Variants in ARB2A observed in about 807,000 individuals in gnomAD.
ARB2A encodes ARB2 cotranscriptional regulator A.
chr5:93,814,747 A>G, the ARB2A span, among the ~76,000 whole-genome samples: 4 of 152,228 alleles, frequency 2.6e-5, no homozygotes, highest in Non-Finnish European at 4.4e-5. Context: ...GGTATGTTCA[A>G]CTGAATCAGT....
At chr5:94,039,167 A>G in the ARB2A span, among the ~76,000 whole-genome samples, 1 of 152,240 alleles carries the variant, frequency 6.6e-6, no homozygotes, top group Admixed American at 6.5e-5. Flanking sequence ...TCATAATGAT[A>G]AACATCTGAA....
the ARB2A span, among the ~76,000 whole-genome samples, chr5:94,080,590 C>T: frequency 6.6e-6 from 1 of 152,190 alleles, no homozygotes; most frequent in Non-Finnish European, 1.5e-5. Context: ...CACTTCAGAG[C>T]TGGCCTCAGG....
chr5:93,727,250 G>C, the ARB2A span, among the ~76,000 whole-genome samples: 2 of 151,892 alleles, frequency 1.3e-5, no homozygotes, highest in Non-Finnish European at 2.9e-5. Context: ...ATCTCTCTTG[G>C]GTAAGAGAGC....
At chr5:93,767,769 T>C in the ARB2A span, among the ~76,000 whole-genome samples, 15 of 151,132 alleles carry the variant, frequency 9.9e-5, no homozygotes, top group Non-Finnish European at 1.6e-4. Context: ...CCGAGATGGG[T>C]GGATCACGAG....
the ARB2A span, among the ~76,000 whole-genome samples, chr5:94,056,339 T>C: frequency 6.6e-6 from 1 of 152,196 alleles, no homozygotes; most frequent in Non-Finnish European, 1.5e-5. Context: ...GAACCTGATA[T>C]AGATTTTTTT....
chr5:94,030,015 C>G, the ARB2A span, among the ~76,000 whole-genome samples: 1 of 152,058 alleles, frequency 6.6e-6, no homozygotes, highest in African/African-American at 2.4e-5. Context: ...TGCAGGGAAA[C>G]TCCTCTTTAT....
the ARB2A span, among the ~76,000 whole-genome samples, chr5:94,056,289 A>G: frequency 3.3e-5 from 5 of 152,226 alleles, no homozygotes; most frequent in Non-Finnish European, 7.4e-5. Flanking sequence ...ACGAACAACT[A>G]AATAAAAAGA....
the ARB2A span, among the ~76,000 whole-genome samples, chr5:93,653,380 C>T: frequency 2.7e-5 from 4 of 150,808 alleles, no homozygotes; most frequent in Non-Finnish European, 5.9e-5. Context: ...GGCGTGGTAG[C>T]GGGCGCCTGT....
the ARB2A span, among the ~76,000 whole-genome samples, chr5:93,636,817 T>G: frequency 6.6e-6 from 1 of 152,268 alleles, no homozygotes; most frequent in South Asian, 2.1e-4. Flanking sequence ...GGATTTGCAC[T>G]TCATATATTA....
At chr5:94,051,448 A>G in the ARB2A span, among the ~76,000 whole-genome samples, 2 of 152,226 alleles carry the variant, frequency 1.3e-5, no homozygotes, top group Non-Finnish European at 2.9e-5. Flanking sequence ...AATCACATTC[A>G]CACAAAGCAA....
chr5:93,937,322 G>A, the ARB2A span, among the ~76,000 whole-genome samples: 1 of 151,614 alleles, frequency 6.6e-6, no homozygotes, highest in Non-Finnish European at 1.5e-5. Flanking sequence ...GAGAGTGCAG[G>A]CTGGCCGCGG....
chr5:93,940,108 TACAC>T, the ARB2A span, among the ~76,000 whole-genome samples: 4 of 152,084 alleles, frequency 2.6e-5, no homozygotes, highest in African/African-American at 9.6e-5. Flanking sequence ...ATATAAATTA[TACAC>T]ACAAAGCAAC....
At chr5:93,700,369 A>G in the ARB2A span, among the ~76,000 whole-genome samples, 17 of 152,156 alleles carry the variant, frequency 1.1e-4, no homozygotes, top group South Asian at 2.1e-4. Flanking sequence ...ATGGGGAGAC[A>G]TAGAATATTA....
the ARB2A span, among the ~76,000 whole-genome samples, chr5:93,984,034 A>G: frequency 6.6e-6 from 1 of 152,206 alleles, no homozygotes; most frequent in Non-Finnish European, 1.5e-5. Flanking sequence ...ATTATGCAAC[A>G]TTAGCAAAAT....
the ARB2A span, among the ~76,000 whole-genome samples, chr5:94,029,561 G>A: frequency 6.6e-6 from 1 of 151,302 alleles, no homozygotes; most frequent in African/African-American, 2.4e-5. Flanking sequence ...AAGATTCACA[G>A]TTAATGCTAT....
At chr5:93,692,992 C>A in the ARB2A span, among the ~76,000 whole-genome samples, 1,309 of 152,300 alleles carry the variant, frequency 8.6e-3, 23 homozygotes, top group African/African-American at 0.03. Context: ...TAAATACATT[C>A]TTTGAAACCA....
the ARB2A span, among the ~76,000 whole-genome samples, chr5:93,623,965 A>G: frequency 6.6e-6 from 1 of 152,198 alleles, no homozygotes; most frequent in Non-Finnish European, 1.5e-5. Flanking sequence ...ATATGTTTGG[A>G]GACCATTTTC....
chr5:93,763,345 G>A, the ARB2A span, among the ~76,000 whole-genome samples: 1 of 152,136 alleles, frequency 6.6e-6, no homozygotes, highest in Non-Finnish European at 1.5e-5. Context: ...TAAAGGGATG[G>A]AGGAAGATCT....
At chr5:93,633,708 T>C in the ARB2A span, among the ~76,000 whole-genome samples, 3 of 152,186 alleles carry the variant, frequency 2.0e-5, no homozygotes, top group Admixed American at 2.0e-4. Context: ...TGTGTTTCTT[T>C]CGATTCTAAA....
Sources: gnomAD v4.1 joint callset for allele counts (sites outside exome capture counted in the v4.1 genomes callset) on GRCh38, gnomAD v4.1.1 for gene constraint, MANE v1.5 for transcripts, NCBI Gene and HGNC (gene_info 2026-07-23, HGNC 2026-07-21) for gene names.